RUVBL1: variants seen among roughly 807,000 people sequenced by gnomAD.
The protein encoded by RUVBL1 is ruvB-like 1.
A neutral mutation model predicts 52.4 loss-of-function variants in RUVBL1; 4 were observed. The observed-to-expected ratio is 0.08, with a 90% CI of 0.04 to 0.17. The LOEUF is 0.17. Ranked by LOEUF, RUVBL1 falls within the 10% of genes least tolerant of loss-of-function variation. The pLI is 1.00. For missense variants in RUVBL1, 298 were observed against 572.8 expected (o/e 0.52, Z 4.90); for synonymous variants, 217 against 214.4 (o/e 1.01, Z -0.10).
At chr3:128,128,521 T>C (rs377225340), upstream of RUVBL1, among the ~76,000 whole-genome samples, 1 of 151,978 alleles carries the variant, frequency 6.6e-6, no homozygotes, top group Admixed American at 6.6e-5. Context: ...CTCAAACTCC[T>C]CCCAAAAGGG....
In RUVBL1 at chr3:128,087,842, CCT is replaced by C. The variant is rs777939422; in HGVS notation, c.1017-36_1017-35del. 27 of 1,469,588 alleles carry C rather than the reference CCT, an allele frequency of 1.8e-5. No individual in the cohort carries two copies. In the African/African-American group the frequency reaches 3.6e-4, roughly 20 times the overall value. 91.0% of individuals were successfully genotyped at this position (1,469,588 alleles called of 1,614,324 possible). ...GGCAAAATTAATCCCATCACCTAAGCCTCTGTTAGACAAGAAACGACACTGGA... is the reference window on the plus strand; with the variant it reads ...GGCAAAATTAATCCCATCACCTAAGCCTGTTAGACAAGAAACGACACTGGA... On this transcript the variant is annotated intron_variant, in intron 8 of 10. Transcript: ENST00000322623.
intron 8 of RUVBL1, among the ~76,000 whole-genome samples, chr3:128,096,288 G>A (rs772160583): frequency 6.6e-5 from 10 of 152,318 alleles, no homozygotes; most frequent in African/African-American, 2.2e-4. Flanking sequence ...CTGACACTGG[G>A]CTTGAGAGAT....
chr3:128,108,562 G>A (rs1033954620), intron 3 of RUVBL1, among the ~76,000 whole-genome samples: 16 of 151,982 alleles, frequency 1.1e-4, no homozygotes, highest in Non-Finnish European at 2.2e-4. Context: ...GACCAGACAC[G>A]GTGGTTCACG....
intron 9 of RUVBL1, among the ~76,000 whole-genome samples, chr3:128,065,818 T>C (rs1941959682): frequency 7.0e-6 from 1 of 142,624 alleles, no homozygotes; most frequent in Non-Finnish European, 1.5e-5. Context: ...CTCGACTCAC[T>C]GCAACCTCCG....
At chr3:128,093,482 T>G (rs1038569685) in intron 8 of RUVBL1, among the ~76,000 whole-genome samples, 13 of 151,728 alleles carry the variant, frequency 8.6e-5, no homozygotes, top group African/African-American at 2.9e-4. Context: ...GAATTATGTC[T>G]CCATAAAGTT....
At chr3:128,065,762 A>C (rs1259239344) in intron 9 of RUVBL1, among the ~76,000 whole-genome samples, 1 of 97,808 alleles carries the variant, frequency 1.0e-5, no homozygotes, top group Non-Finnish European at 1.9e-5. Context: ...TTTGAGACGG[A>C]GTCTTGCTCT....
At chr3:128,125,482 T>G (rs1943772860), upstream of RUVBL1, among the ~76,000 whole-genome samples, 1 of 152,180 alleles carries the variant, frequency 6.6e-6, no homozygotes, top group Non-Finnish European at 1.5e-5. Flanking sequence ...CACATTTGAT[T>G]GTTTACCATT....
intron 9 of RUVBL1, chr3:128,069,716 A>T: frequency 2.0e-6 from 3 of 1,508,108 alleles, no homozygotes; most frequent in Non-Finnish European, 2.8e-6. Flanking sequence ...TCGGAAGGGG[A>T]GCTCTCATCA....
At chr3:128,076,035 G>A, downstream of RUVBL1, 1 of 153,112 alleles carries the variant, frequency 6.5e-6, no homozygotes, top group Non-Finnish European at 1.5e-5. The surrounding 1 kb of genome is among the most constrained non-coding windows in gnomAD (Gnocchi z 6.8). Context: ...AAGCCCTCCG[G>A]CCCCCTCTCT....
intron 8 of RUVBL1, among the ~76,000 whole-genome samples, chr3:128,093,181 G>T (rs898935969): frequency 4.6e-5 from 7 of 152,142 alleles, no homozygotes; most frequent in African/African-American, 1.4e-4. Flanking sequence ...GCTGGAAAAA[G>T]AAATAAGTAC....
chr3:128,135,886 A>G (rs1943940906), intron 1 of RUVBL1, among the ~76,000 whole-genome samples: 1 of 152,234 alleles, frequency 6.6e-6, no homozygotes, highest in Non-Finnish European at 1.5e-5. Context: ...CAAAAATAAT[A>G]ACTACAATAA....
chr3:128,095,200 G>A (rs1033922305), intron 8 of RUVBL1, among the ~76,000 whole-genome samples: 24 of 152,356 alleles, frequency 1.6e-4, no homozygotes, highest in African/African-American at 5.1e-4. Context: ...TTAGTCCTGA[G>A]TGGGATGGGA....
rs187459943 is a variant in RUVBL1, at chr3:128,132,975, A to G, written c.-39-13561T>C. Among the ~76,000 whole-genome samples, 235 of 152,270 alleles carry G rather than the reference A, an allele frequency of 1.5e-3. 1 individual carries two copies. Among genetic ancestry groups the G allele is most frequent in the African/African-American group, 5.2e-3 (218 of 41,542 alleles). On this transcript the variant is annotated intron_variant, in intron 1 of 9. Coordinates refer to the RUVBL1 transcript ENST00000464873. ...TTCCAGGCCTTAGCTCCTGGGTGAC[A>G]TTTTTGGACTTGCCTTGGGCCAGAG... is the stretch of plus-strand genomic sequence containing the variant.
At chr3:128,111,994 G>A (rs1943406350) in intron 3 of RUVBL1, among the ~76,000 whole-genome samples, 1 of 152,188 alleles carries the variant, frequency 6.6e-6, no homozygotes, top group Admixed American at 6.5e-5. Flanking sequence ...AGTAAAAGCT[G>A]AGAATAAATC....
chr3:128,066,378 G>GA (rs548928035), intron 9 of RUVBL1, among the ~76,000 whole-genome samples: 114 of 145,024 alleles, frequency 7.9e-4, no homozygotes, highest in South Asian at 8.7e-4. Context: ...CTGTCTTTTG[G>GA]AAAAAAAAAA....
At chr3:128,151,215 CTG>C (rs1047593379) in intron 1 of RUVBL1, among the ~76,000 whole-genome samples, 4 of 132,920 alleles carry the variant, frequency 3.0e-5, no homozygotes, top group Admixed American at 8.6e-5. Flanking sequence ...TATATATACA[CTG>C]TATATATTCT....
chr3:128,139,704 G>A (rs1055520955), intron 1 of RUVBL1, among the ~76,000 whole-genome samples: 1 of 152,134 alleles, frequency 6.6e-6, no homozygotes, highest in Non-Finnish European at 1.5e-5. Flanking sequence ...AAAAGAATGA[G>A]ATCCTGTCAC....
At position 128,082,718 on chromosome 3, in the gene RUVBL1, G is replaced by A. The variant is rs574043294; in HGVS notation, c.1120-144C>T. On this transcript the variant is annotated intron_variant, in intron 9 of 10. Transcript: ENST00000322623. This position sits in a 1 kb window ranked among gnomAD's most constrained non-coding sequence, Gnocchi z 4.7. ...CTGGGTTGGTGGGCAGGGAGCCAAC[G>A]CCTGCCCAGCACTGCCGGCCCGGCA... is the stretch of plus-strand genomic sequence containing the variant. The A allele has an allele frequency of 1.1e-5, 7 of 663,140 alleles. No individual in the cohort carries two copies. The East Asian group carries it at 1.1e-4, about 11-fold the overall frequency. The allele number at this position is 663,140 out of a possible 1,614,324, so 41.1% of individuals were successfully genotyped here.
chr3:128,069,664 C>T, intron 9 of RUVBL1: 2 of 1,613,708 alleles, frequency 1.2e-6, no homozygotes, highest in Non-Finnish European at 1.7e-6. Flanking sequence ...CTCTTCTGAG[C>T]CCGTCTCCCG....
Sources: gnomAD v4.1 joint callset for allele counts (sites outside exome capture counted in the v4.1 genomes callset) on GRCh38, gnomAD v4.1.1 for gene constraint, Gnocchi (gnomAD v3.1) non-coding constraint, MANE v1.5 for transcripts, NCBI Gene and HGNC (gene_info 2026-07-23, HGNC 2026-07-21) for gene names.